PTPRN: variants seen among roughly 807,000 people sequenced by gnomAD.
PTPRN encodes the protein protein tyrosine phosphatase receptor type N, also known as receptor-type tyrosine-protein phosphatase-like N.
In PTPRN, 70 loss-of-function variants were observed where a neutral mutation model predicts 108.5. The observed-to-expected ratio is 0.65, with a 90% CI of 0.53 to 0.79. The LOEUF (loss-of-function observed/expected upper bound fraction) is 0.79. PTPRN is among the 30% of genes least tolerant of loss of function. The probability of loss-of-function intolerance (pLI) is 0.00; values close to 1 mark genes in which losing one functional copy is unlikely to be tolerated. For synonymous variants in PTPRN, 496 were observed against 524.6 expected (o/e 0.95, Z 0.75); for missense variants, 1,136 against 1,295.5 (o/e 0.88, Z 1.89).
intron 3 of PTPRN, among the ~76,000 whole-genome samples, chr2:219,305,674 T>C (rs749662996): frequency 2.1e-4 from 32 of 152,162 alleles, no homozygotes; most frequent in Non-Finnish European, 3.8e-4. Context: ...AATTTATATC[T>C]CCAGGTGAGA....
Position 219,290,542 on chromosome 2 carries a change from G to T in PTPRN, c.2864C>A (p.Ser955Tyr). 6.4e-7 allele frequency: 1 copy of T among 1,551,594 alleles called. No individual in the cohort carries two copies. Among genetic ancestry groups the T allele is most frequent in the South Asian group, 1.2e-5 (1 of 84,056 alleles). Residue 955 changes from serine to tyrosine, a missense_variant, in exon 22 of 23, where the codon TCT (serine) becomes TAT (tyrosine). Physicochemically the swap from Ser to Tyr is moderately radical, Grantham distance 144. Coordinates refer to ENST00000295718, the MANE Select transcript of PTPRN (RefSeq NM_002846.4). The surrounding 1 kb of genome is among the most constrained non-coding windows in gnomAD (Gnocchi z 4.2). ...GGGGCAGGAAGGCATGGTCACCTTA[G>T]AGCGGACAAGGCCAGGCCGCTGGTC... ...VRDQRPGLVR[S>Y]KDQFEFALTA...
At chr2:219,298,374 C>T (rs373130735) in intron 12 of PTPRN, among the ~76,000 whole-genome samples, 3 of 152,176 alleles carry the variant, frequency 2.0e-5, no homozygotes, top group South Asian at 2.1e-4. Flanking sequence ...AATTGTAGAA[C>T]GTGAGGCATC....
At chr2:219,307,318 G>C (rs1285385446) in intron 3 of PTPRN, 126 bp downstream of exon 3, 2 of 773,404 alleles carry the variant, frequency 2.6e-6, no homozygotes, top group East Asian at 5.2e-5. Context: ...TCTTACTCTA[G>C]CAAGATATGG....
intron 12 of PTPRN, 77 bp from the exon 13 acceptor site, chr2:219,298,180 G>T: frequency 7.1e-7 from 1 of 1,402,814 alleles, no homozygotes; most frequent in Non-Finnish European, 9.9e-7. Flanking sequence ...CCGGTCCCAT[G>T]CCACACCCCC....
chr2:219,291,457 C>T lies in PTPRN; in HGVS notation c.2729+13G>A. ...GGAGTGGGACCAGAGAGATGAATCT[C>T]CTCTCCACCCACCTGCAGTGCACGA... On this transcript the variant is annotated intron_variant, in intron 20 of 22. Transcript: ENST00000295718. The T allele has an allele frequency of 1.2e-6, 2 of 1,613,122 alleles. No individual in the cohort carries two copies. The highest frequency in any genetic ancestry group is 1.7e-6 in the Non-Finnish European group (2 of 1,179,140).
intron 1 of PTPRN, 36 bp downstream of exon 1, chr2:219,309,181 GC>G (rs776838820): frequency 1.6e-5 from 10 of 628,468 alleles, no homozygotes; most frequent in South Asian, 3.6e-5. Context: ...GCTGCTCCCC[GC>G]CCCCCACCAC....
At position 219,296,709 on chromosome 2, in the gene PTPRN, T is replaced by A. The variant is rs376230718; in HGVS notation, c.2310+40A>T. Reference sequence around the variant, plus strand: ...AATGGAGTGCATAGGGCCAGGATAATGATGGGGCAGAGGTGGGGGCTGGAG... The same window carrying A: ...AATGGAGTGCATAGGGCCAGGATAAAGATGGGGCAGAGGTGGGGGCTGGAG... On this transcript the variant is annotated intron_variant, in intron 16 of 22. Transcript: ENST00000295718. The surrounding 1 kb of genome is among the most constrained non-coding windows in gnomAD (Gnocchi z 6.0). 1 of 1,609,192 alleles carries A rather than the reference T, an allele frequency of 6.2e-7. No individual in the cohort carries two copies. Among genetic ancestry groups the A allele is most frequent in the Non-Finnish European group, 8.5e-7 (1 of 1,177,300 alleles).
intron 4 of PTPRN, among the ~76,000 whole-genome samples, chr2:219,303,138 G>C (rs1952399586): frequency 6.6e-6 from 1 of 152,172 alleles, no homozygotes. Context: ...AGCAGGGGAA[G>C]GCAACCAGGA....
chr2:219,297,011 T>G lies in PTPRN; in HGVS notation c.2210A>C (p.Lys737Thr), dbSNP rs1351292124. The change falls in exon 15 of 23, where the codon AAG (lysine) becomes ACG (threonine). Residue 737 changes from lysine (K) to threonine (T), a missense_variant. Transcript: ENST00000295718. This position sits in a 1 kb window ranked among gnomAD's most constrained non-coding sequence, Gnocchi z 6.0. ...ATAQGEGNIK[K>T]NRHPDFLPYD... is the part of the protein sequence containing the mutation. ...GGGCAGGAAGTCAGGATGCCGGTTC[T>G]TTTTGATGTTGCCCTCCCCCTGCGC... is the stretch of plus-strand genomic sequence containing the variant. 9.9e-6 allele frequency: 16 copies of G among 1,613,830 alleles called. No homozygotes were observed. Among genetic ancestry groups the G allele is most frequent in the Non-Finnish European group, 1.3e-5 (15 of 1,180,002 alleles).
In PTPRN at chr2:219,299,118, G is replaced by T; in HGVS notation, c.1604-7C>A. On this transcript the variant is annotated splice_region_variant and splice_polypyrimidine_tract_variant and intron_variant, in intron 11 of 22. Coordinates refer to ENST00000295718, the MANE Select transcript of PTPRN (RefSeq NM_002846.4). Reference sequence around the variant, plus strand: ...AGTTCAGACTTCACCAGCCCTGCAGGGAGGACAAAGGTCAGGCTTGCTCCA... The same window carrying T: ...AGTTCAGACTTCACCAGCCCTGCAGTGAGGACAAAGGTCAGGCTTGCTCCA... 1 of 1,614,256 alleles carries T rather than the reference G, an allele frequency of 6.2e-7. No homozygotes were observed. Among genetic ancestry groups the T allele is most frequent in the East Asian group, 2.2e-5 (1 of 44,890 alleles).
At chr2:219,294,085 C>T (rs1219314929) in intron 19 of PTPRN, 1 of 527,896 alleles carries the variant, frequency 1.9e-6, no homozygotes, top group South Asian at 1.4e-5. Context: ...GTCCCCGGGC[C>T]ACATGTCCTG....
rs375604685 is a variant in PTPRN at position 219,302,870 on chromosome 2, C to A, written c.378-33G>T. 1.9e-6 allele frequency: 3 copies of A among 1,597,662 alleles called. No homozygotes were observed. The East Asian group carries it at 6.7e-5, about 36-fold the overall frequency. ...GGAAAGCAAAGTGTGTGTGTTGGAGCGGGGGAAAGGGCATAGAGAGCCTGC... is the reference window on the plus strand; with the variant it reads ...GGAAAGCAAAGTGTGTGTGTTGGAGAGGGGGAAAGGGCATAGAGAGCCTGC... On this transcript the variant is annotated intron_variant, in intron 4 of 22. Transcript: ENST00000295718.
Position 219,296,064 on chromosome 2 carries a change from ATG to A in PTPRN, c.2508+160_2508+161del. ...TATGTGAATATATGGGTATGCATAT[ATG>A]TGTTTATATATATTCATATATGTAT... On this transcript the variant is annotated intron_variant, in intron 18 of 22. Transcript: ENST00000295718. This position sits in a 1 kb window ranked among gnomAD's most constrained non-coding sequence, Gnocchi z 6.0. The A allele has an allele frequency of 3.0e-6, 3 of 985,060 alleles. No individual in the cohort carries two copies. The East Asian group carries it at 7.4e-5, about 24-fold the overall frequency. The allele number at this position is 985,060 out of a possible 1,614,324, so 61.0% of individuals were successfully genotyped here.
Position 219,290,181 on chromosome 2 carries a change from A to C in PTPRN, c.*45T>G, listed in dbSNP as rs201651075. 32 of 1,545,460 alleles carry C rather than the reference A, an allele frequency of 2.1e-5. No individual in the cohort carries two copies. Among genetic ancestry groups the C allele is most frequent in the Non-Finnish European group, 2.8e-5 (31 of 1,117,976 alleles). On this transcript the variant is annotated 3_prime_UTR_variant, in exon 23 of 23. Coordinates refer to ENST00000295718, the MANE Select transcript of PTPRN (RefSeq NM_002846.4). This position sits in a 1 kb window ranked among gnomAD's most constrained non-coding sequence, Gnocchi z 4.2. ...GGTACACAGAGATGCTCACACAGGCAAAGAGGGACAGAGGCTGGGCTGCCC... is the reference window on the plus strand; with the variant it reads ...GGTACACAGAGATGCTCACACAGGCCAAGAGGGACAGAGGCTGGGCTGCCC...
At chr2:219,308,614 TGA>T (rs547428800) in intron 1 of PTPRN, among the ~76,000 whole-genome samples, 114 of 148,302 alleles carry the variant, frequency 7.7e-4, no homozygotes, top group African/African-American at 2.7e-3. Flanking sequence ...CGCACAGATG[TGA>T]GTCAGCACCA....
intron 19 of PTPRN, 49 bp downstream of exon 19, chr2:219,294,926 C>T (rs1952147019): frequency 1.4e-6 from 2 of 1,399,958 alleles, no homozygotes; most frequent in Non-Finnish European, 9.2e-7. Context: ...CGGACCCCGG[C>T]TCCGCCCCCG....
At chr2:219,298,833 T>C (rs1167180520) in intron 12 of PTPRN, among the ~76,000 whole-genome samples, 1 of 152,264 alleles carries the variant, frequency 6.6e-6, no homozygotes, top group Non-Finnish European at 1.5e-5. Flanking sequence ...GCCTTTTTAC[T>C]ACAGAGGGCT....
chr2:219,293,532 AC>A (rs1415890319), intron 19 of PTPRN, among the ~76,000 whole-genome samples: 3 of 152,224 alleles, frequency 2.0e-5, no homozygotes, highest in African/African-American at 7.2e-5. Flanking sequence ...TCTAATGCCA[AC>A]TGAGTTTACA....
Position 219,296,608 on chromosome 2 carries a change from C to A in PTPRN, c.2311-92G>T. The A allele has an allele frequency of 6.4e-7, 1 of 1,569,448 alleles. No homozygotes were observed. The highest frequency in any genetic ancestry group is 1.7e-5 in the Admixed American group (1 of 58,632). On this transcript the variant is annotated intron_variant, in intron 16 of 22. Transcript: ENST00000295718. The surrounding 1 kb of genome is among the most constrained non-coding windows in gnomAD (Gnocchi z 6.0). ...GCAAGTGGGTCAGGGTCTGAGAAGGCTGGCAGTTCCCCCTTGCTAGGATAT... is the reference window on the plus strand; with the variant it reads ...GCAAGTGGGTCAGGGTCTGAGAAGGATGGCAGTTCCCCCTTGCTAGGATAT...
Sources: gnomAD v4.1 joint callset for allele counts (sites outside exome capture counted in the v4.1 genomes callset) on GRCh38, gnomAD v4.1.1 for gene constraint, Gnocchi (gnomAD v3.1) non-coding constraint, MANE v1.5 for transcripts, NCBI Gene and HGNC (gene_info 2026-07-23, HGNC 2026-07-21) for gene names.